NEK7: variants seen among roughly 807,000 people sequenced by gnomAD.
NEK7 encodes the protein serine/threonine-protein kinase Nek7.
A neutral mutation model predicts 44.6 loss-of-function variants in NEK7; 18 were observed. The observed-to-expected ratio is 0.40, with a 90% CI of 0.28 to 0.60. NEK7 has a LOEUF of 0.60. Ranked by LOEUF, NEK7 falls within the 20% of genes least tolerant of loss-of-function variation. NEK7 has a pLI of 0.38. For synonymous variants in NEK7, 130 were observed against 121.1 expected (o/e 1.07, Z -0.48); for missense variants, 256 against 366.5 (o/e 0.70, Z 2.46).
At chr1:198,158,253 T>C (rs146334244) in intron 1 of NEK7, among the ~76,000 whole-genome samples, 12 of 152,308 alleles carry the variant, frequency 7.9e-5, no homozygotes, top group African/African-American at 2.9e-4. Context: ...GCAATTCTGG[T>C]GACTGAACTG....
intron 2 of NEK7, among the ~76,000 whole-genome samples, chr1:198,246,083 A>T (rs1666826931): frequency 6.6e-6 from 1 of 152,186 alleles, no homozygotes; most frequent in African/African-American, 2.4e-5. Context: ...ATGTAATGCT[A>T]CCTACAGTGG....
intron 7 of NEK7, among the ~76,000 whole-genome samples, chr1:198,292,125 T>C (rs570021358): frequency 6.6e-6 from 1 of 152,028 alleles, no homozygotes; most frequent in Non-Finnish European, 1.5e-5. Context: ...GCCATCTGAG[T>C]TTGAAATTAA....
chr1:198,243,854 G>C (rs536879741), intron 2 of NEK7, among the ~76,000 whole-genome samples: 1 of 152,174 alleles, frequency 6.6e-6, no homozygotes, highest in African/African-American at 2.4e-5. Context: ...CAAATAGGAA[G>C]AAACACGAAT....
chr1:198,189,258 T>C (rs1665003390), intron 1 of NEK7, among the ~76,000 whole-genome samples: 1 of 152,212 alleles, frequency 6.6e-6, no homozygotes. Context: ...AACGTTGTTA[T>C]TTTTGTTTAA....
chr1:198,300,252 G>A lies in NEK7; in HGVS notation c.798+3012G>A, dbSNP rs74974475. On this transcript the variant is annotated intron_variant, in intron 9 of 9. Transcript: ENST00000367385. The stretch of plus-strand genomic sequence containing the variant: ...ACTTGGTATTGTTGGTGACAGTGAA[G>A]CAAACATTTTCTTATGTATAAGGAA... 1.9e-3 allele frequency among the ~76,000 whole-genome samples: 296 copies of A among 152,228 alleles called. 5 individuals carry two copies. In the East Asian group the frequency reaches 0.039, roughly 20 times the overall value.
intron 8 of NEK7, among the ~76,000 whole-genome samples, chr1:198,295,612 G>A (rs1403739791): frequency 1.3e-5 from 2 of 151,360 alleles, no homozygotes; most frequent in Non-Finnish European, 2.9e-5. Context: ...ACTCCTTAGG[G>A]GACATTCAGA....
intron 1 of NEK7, among the ~76,000 whole-genome samples, chr1:198,185,558 A>T (rs965306612): frequency 6.6e-6 from 1 of 152,146 alleles, no homozygotes. Context: ...TATTTTAAAA[A>T]TTAGAAATTT....
At chr1:198,273,078 T>C (rs1653904496) in intron 5 of NEK7, among the ~76,000 whole-genome samples, 1 of 151,822 alleles carries the variant, frequency 6.6e-6, no homozygotes. Flanking sequence ...ATATTTATAT[T>C]CTATTATAAT....
Position 198,185,218 on chromosome 1 carries a change from A to G in NEK7, c.-29+27942A>G, listed in dbSNP as rs1289299542. On this transcript the variant is annotated intron_variant, in intron 1 of 9. Coordinates refer to ENST00000367385, the MANE Select transcript of NEK7 (RefSeq NM_133494.3). ...TTTTTTTTTTTTTTTTTTTTTGGTC[A>G]GAAGAGAGGCTTTTTGCTTAGTGAT... Among the ~76,000 whole-genome samples, 11 of 101,912 alleles carry G rather than the reference A, an allele frequency of 1.1e-4. No individual in the cohort carries two copies. In the East Asian group the frequency reaches 2.6e-3, roughly 24 times the overall value. 66.9% of individuals were successfully genotyped at this position (101,912 alleles called of 152,430 possible).
intron 1 of NEK7, among the ~76,000 whole-genome samples, chr1:198,180,734 G>A (rs1664740075): frequency 6.6e-6 from 1 of 152,070 alleles, no homozygotes; most frequent in African/African-American, 2.4e-5. Flanking sequence ...TTTTCAGTAA[G>A]AGGACATTTA....
chr1:198,169,284 G>A (rs1419570047), intron 1 of NEK7, among the ~76,000 whole-genome samples: 1 of 152,136 alleles, frequency 6.6e-6, no homozygotes, highest in Non-Finnish European at 1.5e-5. Flanking sequence ...GGAGGTGCCA[G>A]GTTTATTTGC....
intron 1 of NEK7, among the ~76,000 whole-genome samples, chr1:198,221,858 G>T (rs1666085021): frequency 6.6e-6 from 1 of 150,884 alleles, no homozygotes. Context: ...TGGGAACTAG[G>T]AAAGGCATTA....
intron 4 of NEK7, among the ~76,000 whole-genome samples, chr1:198,263,656 T>G (rs1335238578): frequency 6.6e-6 from 1 of 151,938 alleles, no homozygotes; most frequent in Non-Finnish European, 1.5e-5. Context: ...TAGTTAGATA[T>G]AGTATAGTAG....
chr1:198,162,428 G>A (rs75139788), intron 1 of NEK7, among the ~76,000 whole-genome samples: 157 of 152,268 alleles, frequency 1.0e-3, no homozygotes, highest in African/African-American at 3.6e-3. Flanking sequence ...AAACTCCAGG[G>A]TTGTCATTGC....
intron 1 of NEK7, among the ~76,000 whole-genome samples, chr1:198,226,829 C>T (rs550750207): frequency 8.9e-4 from 135 of 151,500 alleles, no homozygotes; most frequent in Admixed American, 1.6e-3. Context: ...TGGAGATGGC[C>T]ATAAAGAAAT....
At chr1:198,219,293 T>C (rs1049010576) in intron 1 of NEK7, among the ~76,000 whole-genome samples, 1 of 149,910 alleles carries the variant, frequency 6.7e-6, no homozygotes, top group Non-Finnish European at 1.5e-5. Context: ...ATATAATTAA[T>C]ATATTAAAAT....
intron 1 of NEK7, among the ~76,000 whole-genome samples, chr1:198,214,618 T>C (rs913983657): frequency 6.6e-6 from 1 of 151,920 alleles, no homozygotes; most frequent in Admixed American, 6.6e-5. Context: ...ATTAACCCAG[T>C]CAGACAAAAA....
At chr1:198,217,180 A>G (rs1013101521) in intron 1 of NEK7, among the ~76,000 whole-genome samples, 1 of 152,098 alleles carries the variant, frequency 6.6e-6, no homozygotes, top group Non-Finnish European at 1.5e-5. Context: ...GTATCTGTAA[A>G]ACACAGATGC....
At chr1:198,165,948 C>G (rs1239146099) in intron 1 of NEK7, among the ~76,000 whole-genome samples, 1 of 152,238 alleles carries the variant, frequency 6.6e-6, no homozygotes, top group Non-Finnish European at 1.5e-5. Flanking sequence ...GCTGCTTCAA[C>G]TTGCATTTTT....
Sources: gnomAD v4.1 joint callset for allele counts (sites outside exome capture counted in the v4.1 genomes callset) on GRCh38, gnomAD v4.1.1 for gene constraint, MANE v1.5 for transcripts, NCBI Gene and HGNC (gene_info 2026-07-23, HGNC 2026-07-21) for gene names.